The following KDM6A variants were observed in gnomAD, a reference collection of about 807,000 sequenced individuals.
The protein encoded by KDM6A is lysine-specific demethylase 6A.
KDM6A carries 11 observed loss-of-function variants against 117.6 expected under a neutral mutation model. The ratio of observed to expected loss-of-function variants is 0.09; its 90% CI spans 0.06 to 0.15. KDM6A has a LOEUF of 0.15. Ranked by LOEUF, KDM6A falls within the 10% of genes least tolerant of loss-of-function variation. KDM6A has a pLI of 1.00. For synonymous variants in KDM6A, 384 were observed against 396.1 expected (o/e 0.97, Z 0.36); for missense variants, 799 against 1,077.3 (o/e 0.74, Z 3.62).
Position 45,090,706 on chromosome X carries a change from GT to G in KDM6A, c.3893-6del, listed in dbSNP as rs748438075. On this transcript the variant is annotated splice_polypyrimidine_tract_variant and intron_variant, in intron 26 of 29. Coordinates refer to ENST00000611820, the MANE Select transcript of KDM6A (RefSeq NM_001291415.2). ...TGGTACTTTGGGTTGCTTTATAACTGTTTTTTTTTTTCCTAGCCTGCCAGTA... is the reference window on the plus strand; with the variant it reads ...TGGTACTTTGGGTTGCTTTATAACTGTTTTTTTTTTCCTAGCCTGCCAGTA... The G allele has an allele frequency of 1.9e-3, 1,675 of 863,582 alleles. No individual in the cohort carries two copies. Among genetic ancestry groups the G allele is most frequent in the Admixed American group, 5.9e-3 (195 of 32,965 alleles). The allele number at this position is 863,582 out of a possible 1,213,427, so 71.2% of individuals were successfully genotyped here. A position where few individuals can be genotyped will look rare whatever the true frequency, so the allele number is the denominator to read the frequency against.
intron 18 of KDM6A, among the ~76,000 whole-genome samples, chrX:45,075,066 A>G (rs895027197): frequency 1.8e-5 from 2 of 111,907 alleles, no homozygotes. Flanking sequence ...TCAAAATAGT[A>G]ACCATTTACT....
At chrX:45,055,922 A>G (rs781000608) in intron 10 of KDM6A, among the ~76,000 whole-genome samples, 1 of 111,653 alleles carries the variant, frequency 9.0e-6, no homozygotes, top group African/African-American at 3.3e-5. Flanking sequence ...ATAATGAACC[A>G]TGTGTAGAAT....
intron 3 of KDM6A, among the ~76,000 whole-genome samples, chrX:44,967,826 A>G (rs747760743): frequency 6.2e-5 from 7 of 112,634 alleles, no homozygotes; most frequent in African/African-American, 2.3e-4. Flanking sequence ...GCAGAAGGAA[A>G]AAAGGCTTTG....
intron 3 of KDM6A, among the ~76,000 whole-genome samples, chrX:44,963,499 C>CTGTCTGTCTCTGTCTGTCTCTG (rs796328734): frequency 9.9e-5 from 8 of 81,137 alleles, no homozygotes; most frequent in Non-Finnish European, 1.8e-4. Flanking sequence ...GTCTGTCTGT[C>CTGTCTGTCTCTGTCTGTCTCTG]TCTGTCTGTC....
At chrX:45,065,387 C>G (rs1344128861) in intron 17 of KDM6A, among the ~76,000 whole-genome samples, 3 of 111,955 alleles carry the variant, frequency 2.7e-5, no homozygotes, top group Non-Finnish European at 5.6e-5. Flanking sequence ...GGATTTTATT[C>G]TGAGTATCCA....
At chrX:45,021,405 G>A (rs945852336) in intron 6 of KDM6A, among the ~76,000 whole-genome samples, 2 of 111,583 alleles carry the variant, frequency 1.8e-5, no homozygotes, top group Non-Finnish European at 3.8e-5. Flanking sequence ...TGTTTTGAAA[G>A]GAGTAGCAGT....
chrX:45,040,327 A>C, intron 8 of KDM6A, among the ~76,000 whole-genome samples: 1 of 77,302 alleles, frequency 1.3e-5, no homozygotes, highest in African/African-American at 5.0e-5. Context: ...AGGGGTCCTC[A>C]CTTCCCAGTA....
At chrX:44,876,514 T>G (rs191116478) in intron 2 of KDM6A, among the ~76,000 whole-genome samples, 1,467 of 110,357 alleles carry the variant, frequency 0.013, 13 homozygotes, top group Non-Finnish European at 0.02. Flanking sequence ...AAGAGTTGGC[T>G]TTCCTTTACT....
At position 45,058,976 on chromosome X, in the gene KDM6A, A is replaced by AT. The variant is rs372323256; in HGVS notation, c.876-16dup. Reference sequence around the variant, plus strand: ...TTTCAGTATTAATGGAATTCTCTTGATTTTTTTTTTTTTTCCCTTCCCTTC... The same window carrying AT: ...TTTCAGTATTAATGGAATTCTCTTGATTTTTTTTTTTTTTTCCCTTCCCTTC... On this transcript the variant is annotated intron_variant, in intron 10 of 29. Transcript: ENST00000611820. 0.044 allele frequency: 39,044 copies of AT among 884,528 alleles called. 896 individuals carry two copies. Among genetic ancestry groups the AT allele is most frequent in the African/African-American group, 0.26 (12,254 of 47,000 alleles). The allele number at this position is 884,528 out of a possible 1,213,427, so 72.9% of individuals were successfully genotyped here. A position where few individuals can be genotyped will look rare whatever the true frequency, so the allele number is the denominator to read the frequency against.
At chrX:45,094,455 A>C (rs1306398173) in intron 27 of KDM6A, among the ~76,000 whole-genome samples, 1 of 111,787 alleles carries the variant, frequency 8.9e-6, no homozygotes, top group Admixed American at 9.5e-5. Context: ...ACCATGAGAA[A>C]GATGCCCCAG....
rs1244674026 is a variant in KDM6A at position 45,109,494 on chromosome X, A to G, written c.4162-585A>G. Reference sequence around the variant, plus strand: ...AGGATAAGCCAAAGACAGGATGTTGATGGTCCATTTCAAACCTTGAAATTC... The same window carrying G: ...AGGATAAGCCAAAGACAGGATGTTGGTGGTCCATTTCAAACCTTGAAATTC... On this transcript the variant is annotated intron_variant, in intron 28 of 29. Coordinates refer to ENST00000611820, the MANE Select transcript of KDM6A (RefSeq NM_001291415.2). Among the ~76,000 whole-genome samples, 6 of 111,886 alleles carry G rather than the reference A, an allele frequency of 5.4e-5. No individual in the cohort carries two copies. The Admixed American group carries it at 5.7e-4, about 11-fold the overall frequency.
At chrX:44,938,849 G>T (rs748795155) in intron 2 of KDM6A, among the ~76,000 whole-genome samples, 1 of 112,399 alleles carries the variant, frequency 8.9e-6, no homozygotes, top group Non-Finnish European at 1.9e-5. Context: ...TTTGAATTAT[G>T]CTGAATCTGC....
At chrX:44,968,837 G>A (rs1472202519) in intron 3 of KDM6A, among the ~76,000 whole-genome samples, 1 of 110,199 alleles carries the variant, frequency 9.1e-6, no homozygotes, top group Non-Finnish European at 1.9e-5. Context: ...GGGCGTGGTG[G>A]CGCATGCCTG....
At chrX:45,103,891 C>T (rs1322035685) in intron 27 of KDM6A, among the ~76,000 whole-genome samples, 1 of 112,368 alleles carries the variant, frequency 8.9e-6, no homozygotes, top group Admixed American at 9.4e-5. Context: ...AAAGAATTTC[C>T]TGCTTTTCTA....
chrX:45,084,018 A>G (rs2045541316), intron 24 of KDM6A, among the ~76,000 whole-genome samples: 1 of 112,062 alleles, frequency 8.9e-6, no homozygotes. Context: ...TTATTGAACA[A>G]TACGTTTTCC....
At chrX:45,100,965 C>T (rs912038303) in intron 27 of KDM6A, among the ~76,000 whole-genome samples, 3 of 110,239 alleles carry the variant, frequency 2.7e-5, no homozygotes, top group African/African-American at 9.9e-5. Flanking sequence ...GATTAACAGG[C>T]ATGAGCCACC....
chrX:45,012,120 A>C (rs2041785445), intron 5 of KDM6A, among the ~76,000 whole-genome samples: 1 of 109,916 alleles, frequency 9.1e-6, no homozygotes. Flanking sequence ...ACTACATAGC[A>C]GTCACTTGCC....
At chrX:45,008,746 A>G (rs1273477999) in intron 4 of KDM6A, among the ~76,000 whole-genome samples, 1 of 111,725 alleles carries the variant, frequency 9.0e-6, no homozygotes, top group Non-Finnish European at 1.9e-5. Flanking sequence ...GGGATAGTAG[A>G]TGAATGATCC....
intron 4 of KDM6A, among the ~76,000 whole-genome samples, chrX:45,003,394 C>CTT (rs397896934): frequency 0.03 from 2,250 of 75,473 alleles, 55 homozygotes; most frequent in East Asian, 0.071. Flanking sequence ...AATTATCCTT[C>CTT]TTTTTTTTTT....
Sources: gnomAD v4.1 joint callset for allele counts (sites outside exome capture counted in the v4.1 genomes callset) on GRCh38, gnomAD v4.1.1 for gene constraint, MANE v1.5 for transcripts, NCBI Gene and HGNC (gene_info 2026-07-23, HGNC 2026-07-21) for gene names.